PIWIL1: variants seen among roughly 807,000 people sequenced by gnomAD.
PIWIL1 encodes the protein piwi like RNA-mediated gene silencing 1, also known as piwi-like protein 1.
A neutral mutation model predicts 114.4 loss-of-function variants in PIWIL1; 73 were observed. That is an observed-to-expected ratio of 0.64 (90% CI 0.53 to 0.78). The LOEUF (loss-of-function observed/expected upper bound fraction) is 0.78, where lower values mean the gene tolerates loss of function less well. Among genes scored for constraint, PIWIL1 ranks in the 30% least tolerant of loss-of-function variants. The pLI is 0.00. For synonymous variants in PIWIL1, 375 were observed against 369.0 expected (o/e 1.02, Z -0.19); for missense variants, 723 against 1,063.1 (o/e 0.68, Z 4.45).
Position 130,345,787 on chromosome 12 carries a change from G to C in PIWIL1, c.225G>C (p.Ser75=), listed in dbSNP as rs374469378. Reference sequence around the variant, plus strand: ...TATCTGCTGGATTTCAGGAGTTATCGTTAGCAGAGAGAGGAGGTCGTCGTA... The same window carrying C: ...TATCTGCTGGATTTCAGGAGTTATCCTTAGCAGAGAGAGGAGGTCGTCGTA... The part of the protein sequence containing the change: ...LQISAGFQEL[S]LAERGGRRRD... The change falls in exon 4 of 21, where the codon TCG becomes TCC. Residue 75 remains serine, a synonymous_variant. Transcript: ENST00000245255. 5 of 1,613,822 alleles carry C rather than the reference G, an allele frequency of 3.1e-6. No homozygotes were observed. In the African/African-American group the frequency reaches 6.7e-5, roughly 22 times the overall value.
chr12:130,360,695 C>T (rs2136175449), intron 14 of PIWIL1, among the ~76,000 whole-genome samples: 1 of 152,228 alleles, frequency 6.6e-6, no homozygotes, highest in East Asian at 1.9e-4. Context: ...GGGGCAGGGG[C>T]ATGTTGAGAT....
chr12:130,402,927 G>T, the PIWIL1 span, among the ~76,000 whole-genome samples: 1 of 152,218 alleles, frequency 6.6e-6, no homozygotes, highest in Non-Finnish European at 1.5e-5. Context: ...ACACGATGGG[G>T]TGTTAGAAGT....
the PIWIL1 span, among the ~76,000 whole-genome samples, chr12:130,417,702 C>T: frequency 6.6e-6 from 1 of 152,236 alleles, no homozygotes; most frequent in Non-Finnish European, 1.5e-5. Flanking sequence ...AACAGACCTG[C>T]ACATGTACCC....
chr12:130,382,063 G>A, the PIWIL1 span, among the ~76,000 whole-genome samples: 2 of 152,186 alleles, frequency 1.3e-5, no homozygotes, highest in Non-Finnish European at 2.9e-5. Context: ...TATCAGATAG[G>A]TCTTTTGCAA....
chr12:130,407,652 C>G, the PIWIL1 span: 4 of 1,191,128 alleles, frequency 3.4e-6, no homozygotes, highest in Non-Finnish European at 5.0e-6. Context: ...CACACGTGGC[C>G]TCAGTGTGGT....
intron 9 of PIWIL1, among the ~76,000 whole-genome samples, chr12:130,353,318 G>T (rs557926158): frequency 1.3e-5 from 1 of 76,960 alleles, no homozygotes; most frequent in South Asian, 5.7e-4. Flanking sequence ...GAGGTGTGTG[G>T]TTTTTTCTTC....
the PIWIL1 span, chr12:130,399,592 G>T: frequency 6.8e-7 from 1 of 1,473,306 alleles, no homozygotes; most frequent in South Asian, 1.3e-5. Context: ...TTCGGCCCAA[G>T]ATATAAAAAT....
the PIWIL1 span, among the ~76,000 whole-genome samples, chr12:130,380,511 C>A: frequency 6.6e-6 from 1 of 152,196 alleles, no homozygotes; most frequent in Non-Finnish European, 1.5e-5. Flanking sequence ...GCAAAGAACT[C>A]TGTGGAATAT....
Position 130,371,473 on chromosome 12 carries a change from C to A in PIWIL1, c.2470-9C>A. The A allele has an allele frequency of 6.2e-7, 1 of 1,610,568 alleles. No homozygotes were observed. Among genetic ancestry groups the A allele is most frequent in the Non-Finnish European group, 8.5e-7 (1 of 1,178,230 alleles). ...AGAGTAATAGAACCTTTTTTTCCTTCCACTAAAGGGTGTCATTCGTGTTCC... is the reference window on the plus strand; with the variant it reads ...AGAGTAATAGAACCTTTTTTTCCTTACACTAAAGGGTGTCATTCGTGTTCC... On this transcript the variant is annotated splice_polypyrimidine_tract_variant and intron_variant, in intron 20 of 20. Transcript: ENST00000245255.
At chr12:130,361,155 T>C in intron 14 of PIWIL1, 25 bp from the exon 15 acceptor site, 1 of 1,611,220 alleles carries the variant, frequency 6.2e-7, no homozygotes, top group Non-Finnish European at 8.5e-7. Context: ...CCTAATTCTT[T>C]GTAACAAGGG....
the PIWIL1 span, among the ~76,000 whole-genome samples, chr12:130,402,171 G>A: frequency 2.6e-5 from 4 of 152,152 alleles, no homozygotes; most frequent in Non-Finnish European, 5.9e-5. Context: ...AAGTGACGAC[G>A]GGACTTGCTC....
At chr12:130,395,664 T>C in the PIWIL1 span, among the ~76,000 whole-genome samples, 1 of 152,252 alleles carries the variant, frequency 6.6e-6, no homozygotes, top group Non-Finnish European at 1.5e-5. Context: ...CATGAAATTA[T>C]GTACTTGAAC....
chr12:130,344,481 GCTTA>G (rs2073015341), intron 3 of PIWIL1, among the ~76,000 whole-genome samples: 2 of 118,504 alleles, frequency 1.7e-5, no homozygotes, highest in African/African-American at 6.7e-5. Context: ...TGCCTGTGAT[GCTTA>G]TTCTCAATTT....
the PIWIL1 span, among the ~76,000 whole-genome samples, chr12:130,386,183 T>G: frequency 6.6e-6 from 1 of 152,200 alleles, no homozygotes; most frequent in East Asian, 1.9e-4. Flanking sequence ...GTTTGTTTCT[T>G]TTTTCATTTT....
At chr12:130,392,137 C>T in the PIWIL1 span, among the ~76,000 whole-genome samples, 37 of 113,916 alleles carry the variant, frequency 3.2e-4, no homozygotes, top group African/African-American at 1.3e-3. Flanking sequence ...ACCGTCATCA[C>T]GTGTCCGTCA....
chr12:130,408,986 T>G, the PIWIL1 span, among the ~76,000 whole-genome samples: 5 of 149,454 alleles, frequency 3.3e-5, no homozygotes, highest in South Asian at 2.1e-4. Context: ...TGCACATGTG[T>G]CCTCTGCAGG....
chr12:130,426,004 G>A, the PIWIL1 span: 8 of 152,418 alleles, frequency 5.2e-5, no homozygotes, highest in African/African-American at 1.9e-4. Context: ...TTGCAGATTC[G>A]GGAGCACATC....
chr12:130,391,531 G>C, the PIWIL1 span, among the ~76,000 whole-genome samples: 3 of 152,166 alleles, frequency 2.0e-5, no homozygotes, highest in African/African-American at 7.2e-5. Flanking sequence ...CTTTTAAGAA[G>C]GGACTAGAAA....
At chr12:130,350,287 C>T (rs1352144918) in intron 9 of PIWIL1, among the ~76,000 whole-genome samples, 1 of 152,206 alleles carries the variant, frequency 6.6e-6, no homozygotes, top group East Asian at 1.9e-4. Context: ...GCTTGCCATA[C>T]TGTCTCTCCC....
Sources: allele counts gnomAD v4.1 joint callset (sites outside exome capture counted in the v4.1 genomes callset), GRCh38; gene constraint gnomAD v4.1.1; transcripts MANE v1.5; gene names NCBI Gene and HGNC (gene_info 2026-07-23, HGNC 2026-07-21).